DOCK10: variants seen among roughly 807,000 people sequenced by gnomAD.
The protein encoded by DOCK10 is dedicator of cytokinesis protein 10.
Under a neutral mutation model 280.1 loss-of-function variants are expected in DOCK10, and 145 were observed. The observed-to-expected ratio is 0.52, with a 90% CI of 0.45 to 0.59. The LOEUF is 0.59. DOCK10 is among the 20% of genes least tolerant of loss of function. The pLI is 0.00. For missense variants in DOCK10, 2,368 were observed against 2,651.7 expected (o/e 0.89, Z 2.35); for synonymous variants, 915 against 942.2 (o/e 0.97, Z 0.53).
intron 6 of DOCK10, 115 bp downstream of exon 6, chr2:224,885,948 A>G (rs1200145205): frequency 1.2e-5 from 18 of 1,496,532 alleles, no homozygotes; most frequent in Non-Finnish European, 9.9e-6. Flanking sequence ...CCTCATAAAT[A>G]AAATATTATA....
At chr2:224,957,512 C>T (rs1165784083) in intron 1 of DOCK10, among the ~76,000 whole-genome samples, 4 of 152,042 alleles carry the variant, frequency 2.6e-5, no homozygotes, top group African/African-American at 7.2e-5. Context: ...TAGTCTAGAA[C>T]TCCTGGTTTC....
In DOCK10 at chr2:225,042,464, G is replaced by A; in HGVS notation, c.-90C>T. ...CCTTCTCTATCCACCCGCCGTTCAG[G>A]AAGCGGAACTCGGAGCCTTCCCCCC... On this transcript the variant is annotated 5_prime_UTR_variant, in exon 1 of 56. Coordinates refer to ENST00000258390, the MANE Select transcript of DOCK10 (RefSeq NM_014689.3). This position sits in a 1 kb window ranked among gnomAD's most constrained non-coding sequence, Gnocchi z 5.1. 6.6e-6 allele frequency: 8 copies of A among 1,213,528 alleles called. No homozygotes were observed. Among genetic ancestry groups the A allele is most frequent in the Non-Finnish European group, 8.2e-6 (8 of 973,236 alleles). The allele number at this position is 1,213,528 out of a possible 1,614,324, so 75.2% of individuals were successfully genotyped here. A position where few individuals can be genotyped will look rare whatever the true frequency, so the allele number is the denominator to read the frequency against.
chr2:224,999,368 ATCT>A (rs1040865630), intron 1 of DOCK10, among the ~76,000 whole-genome samples: 17 of 151,988 alleles, frequency 1.1e-4, no homozygotes, highest in African/African-American at 3.9e-4. Flanking sequence ...TTTTGCAAAC[ATCT>A]TCTTCAGAGT....
chr2:224,768,285 A>G (rs1690192615), intron 55 of DOCK10, among the ~76,000 whole-genome samples: 1 of 152,114 alleles, frequency 6.6e-6, no homozygotes, highest in Non-Finnish European at 1.5e-5. Flanking sequence ...CTGTTTTCAG[A>G]ATATGTGCAT....
chr2:224,905,243 T>TTTC (rs1385119335), intron 3 of DOCK10, among the ~76,000 whole-genome samples: 2 of 110,636 alleles, frequency 1.8e-5, no homozygotes, highest in African/African-American at 7.1e-5. Flanking sequence ...TATTTTTTTT[T>TTTC]TTTTTTTTTT....
chr2:224,846,205 T>G (rs1364662728), intron 19 of DOCK10, among the ~76,000 whole-genome samples: 2 of 152,228 alleles, frequency 1.3e-5, no homozygotes, highest in East Asian at 3.8e-4. Flanking sequence ...TAATTCATGC[T>G]ACTAGGGTAT....
rs760167415 is a variant in DOCK10 at position 224,773,121 on chromosome 2, C to T, written c.6204+36G>A. ...GGCATTTTACACCTGGTTTCATTGG[C>T]CATGTGCATCTCAGCCCTGGGCAAT... On this transcript the variant is annotated intron_variant, in intron 53 of 55. Transcript: ENST00000258390. 48 of 1,538,842 alleles carry T rather than the reference C, an allele frequency of 3.1e-5. 1 individual carries two copies. The Admixed American group carries it at 8.7e-4, about 28-fold the overall frequency.
intron 1 of DOCK10, among the ~76,000 whole-genome samples, chr2:224,974,573 A>G (rs1457411549): frequency 1.3e-5 from 2 of 151,904 alleles, no homozygotes; most frequent in African/African-American, 4.8e-5. Flanking sequence ...CTCTTCTAGA[A>G]GGCAAAGAAA....
At chr2:224,767,616 C>T (rs1487836607) in intron 55 of DOCK10, among the ~76,000 whole-genome samples, 1 of 152,144 alleles carries the variant, frequency 6.6e-6, no homozygotes, top group Admixed American at 6.6e-5. Context: ...TTTGCTCATG[C>T]CCAGATATCT....
chr2:224,966,302 C>T (rs1051839622), intron 1 of DOCK10, among the ~76,000 whole-genome samples: 1 of 129,556 alleles, frequency 7.7e-6, no homozygotes, highest in African/African-American at 2.8e-5. Context: ...CCCCCCACCC[C>T]CCGTGGCCCT....
chr2:225,001,711 A>C (rs13387194), intron 1 of DOCK10, among the ~76,000 whole-genome samples: 43,511 of 152,194 alleles, frequency 0.29, 11,437 homozygotes, highest in African/African-American at 0.71. Context: ...AACAAAAATT[A>C]ATTTCACACA....
chr2:224,802,171 A>T (rs1286047776), intron 39 of DOCK10, 131 bp from the exon 40 acceptor site: 1 of 927,056 alleles, frequency 1.1e-6, no homozygotes, highest in Non-Finnish European at 1.6e-6. Flanking sequence ...TTTTTATTAC[A>T]AATATTAATT....
At chr2:224,952,426 A>G (rs1703789304) in intron 1 of DOCK10, among the ~76,000 whole-genome samples, 1 of 152,136 alleles carries the variant, frequency 6.6e-6, no homozygotes, top group Non-Finnish European at 1.5e-5. Context: ...ACTGGAAAAT[A>G]CTGGCAGTGA....
At chr2:224,906,761 C>G (rs140338629) in intron 3 of DOCK10, among the ~76,000 whole-genome samples, 253 of 152,288 alleles carry the variant, frequency 1.7e-3, no homozygotes, top group East Asian at 0.014. Context: ...TTACAGGCGT[C>G]AGTCACCGCA....
Position 224,799,827 on chromosome 2 carries a change from T to C in DOCK10, c.4506+324A>G, listed in dbSNP as rs75977295. ...GTTGTAAATTTAATATATAGGCCCA[T>C]TTATCTCTTCCTCTTCTACTGAAAA... On this transcript the variant is annotated intron_variant, in intron 41 of 55. Coordinates refer to ENST00000258390, the MANE Select transcript of DOCK10 (RefSeq NM_014689.3). Among the ~76,000 whole-genome samples the C allele has an allele frequency of 6.5e-4, 99 of 152,300 alleles. 1 individual carries two copies. The East Asian group carries it at 8.7e-3, about 13-fold the overall frequency.
intron 1 of DOCK10, among the ~76,000 whole-genome samples, chr2:224,973,485 T>C (rs1225496042): frequency 2.0e-5 from 3 of 152,074 alleles, no homozygotes; most frequent in Non-Finnish European, 4.4e-5. Context: ...GCTTTGAAGA[T>C]GAACCAGGAC....
Position 224,845,656 on chromosome 2 carries a change from A to T in DOCK10, c.2236-14T>A. 6.2e-7 allele frequency: 1 copy of T among 1,605,382 alleles called. No homozygotes were observed. The highest frequency in any genetic ancestry group is 8.5e-7 in the Non-Finnish European group (1 of 1,176,540). ...CTCAATTTTCACCTGCAACGAAAGA[A>T]ACCATAGTTGGACTGAGATTAAAAT... On this transcript the variant is annotated splice_polypyrimidine_tract_variant and intron_variant, in intron 19 of 55. Coordinates refer to ENST00000258390, the MANE Select transcript of DOCK10 (RefSeq NM_014689.3).
intron 1 of DOCK10, among the ~76,000 whole-genome samples, chr2:224,998,305 G>A (rs1706328458): frequency 2.3e-5 from 1 of 43,318 alleles, no homozygotes; most frequent in African/African-American, 1.8e-4. Context: ...ATTAGCAGCT[G>A]CATAAAAATG....
At chr2:224,801,864 AC>A in intron 40 of DOCK10, 51 bp downstream of exon 40, 1 of 1,587,612 alleles carries the variant, frequency 6.3e-7, no homozygotes, top group Non-Finnish European at 8.6e-7. Context: ...TCCTACACAT[AC>A]CTAGAGAAAA....
Sources: allele counts gnomAD v4.1 joint callset (sites outside exome capture counted in the v4.1 genomes callset), GRCh38; gene constraint gnomAD v4.1.1; non-coding constraint Gnocchi (gnomAD v3.1); transcripts MANE v1.5; gene names NCBI Gene and HGNC (gene_info 2026-07-23, HGNC 2026-07-21).